Variants in TENM4 observed in about 807,000 individuals in gnomAD.
TENM4 encodes teneurin-4.
In TENM4, 82 loss-of-function variants were observed where a neutral mutation model predicts 243.3. That is an observed-to-expected ratio of 0.34 (90% CI 0.28 to 0.40). TENM4 has a LOEUF of 0.40. Among genes scored for constraint, TENM4 ranks in the 10% least tolerant of loss-of-function variants. The probability of loss-of-function intolerance (pLI) is 1.00; values close to 1 mark genes in which losing one functional copy is unlikely to be tolerated. For missense variants in TENM4, 3,138 were observed against 3,673.3 expected (o/e 0.85, Z 3.77); for synonymous variants, 1,412 against 1,456.3 (o/e 0.97, Z 0.69).
intron 6 of TENM4, among the ~76,000 whole-genome samples, chr11:79,046,007 G>A (rs550762281): frequency 2.1e-4 from 32 of 152,326 alleles, no homozygotes; most frequent in African/African-American, 7.7e-4. Context: ...GGTGTCGAGA[G>A]CATCTGCACT....
At chr11:78,979,070 C>T (rs1226681663) in intron 6 of TENM4, among the ~76,000 whole-genome samples, 1 of 152,058 alleles carries the variant, frequency 6.6e-6, no homozygotes, top group Non-Finnish European at 1.5e-5. Context: ...TTTCTGCAAG[C>T]CAAATTCTCA....
At position 78,676,183 on chromosome 11, in the gene TENM4, C is replaced by G; in HGVS notation, c.5465G>C (p.Gly1822Ala). The change falls in exon 30 of 34, where the codon GGC (glycine) becomes GCC (alanine). Residue 1822 changes from glycine to alanine, a missense_variant. This residue lies in a region of TENM4 where 2,467 missense variants were observed against 3,059.1 expected (regional missense o/e 0.81). Transcript: ENST00000278550. ...CCGGCGCCCAAAGACAGTGACCTGG[C>G]CCCGAGCCTGCTCTTTGCGCTGGCG... ...EWRQRKEQAR[G>A]QVTVFGRRLR... 3.9e-6 allele frequency: 6 copies of G among 1,543,668 alleles called. No individual in the cohort carries two copies. Among genetic ancestry groups the G allele is most frequent in the East Asian group, 2.4e-5 (1 of 41,262 alleles).
At chr11:78,799,963 T>C (rs1417183797) in intron 15 of TENM4, among the ~76,000 whole-genome samples, 2 of 151,688 alleles carry the variant, frequency 1.3e-5, no homozygotes, top group African/African-American at 4.8e-5. Context: ...GGAGAGAGGC[T>C]ATGGGGGTAA....
chr11:79,028,694 G>C (rs1859149317), intron 6 of TENM4, among the ~76,000 whole-genome samples: 1 of 152,200 alleles, frequency 6.6e-6, no homozygotes, highest in Non-Finnish European at 1.5e-5. Flanking sequence ...TGTGGGCTGT[G>C]AACTGCTGGT....
chr11:79,204,899 A>G (rs1407398699), intron 3 of TENM4, among the ~76,000 whole-genome samples: 3 of 152,240 alleles, frequency 2.0e-5, no homozygotes, highest in Non-Finnish European at 4.4e-5. Flanking sequence ...GGTTATACAC[A>G]GTGGTAAGTT....
intron 1 of TENM4, among the ~76,000 whole-genome samples, chr11:79,417,798 T>C (rs1416297767): frequency 1.3e-5 from 2 of 152,186 alleles, no homozygotes; most frequent in African/African-American, 2.4e-5. Flanking sequence ...TATGTGCTTT[T>C]CTGGAACCTC....
intron 19 of TENM4, among the ~76,000 whole-genome samples, chr11:78,740,864 A>T (rs1442941139): frequency 2.0e-5 from 3 of 152,194 alleles, no homozygotes; most frequent in Non-Finnish European, 4.4e-5. Flanking sequence ...GGAAACATTG[A>T]ATCGGCACCA....
At chr11:78,917,815 T>C (rs80152098) in intron 6 of TENM4, among the ~76,000 whole-genome samples, 14 of 152,324 alleles carry the variant, frequency 9.2e-5, no homozygotes, top group Non-Finnish European at 1.9e-4. Context: ...GGCCTGGGTT[T>C]GAATCCTGGC....
intron 6 of TENM4, among the ~76,000 whole-genome samples, chr11:78,923,042 A>C (rs2136392517): frequency 6.6e-6 from 1 of 152,296 alleles, no homozygotes; most frequent in East Asian, 1.9e-4. Context: ...CACAGAGGGC[A>C]CAATGACAAA....
chr11:78,834,995 C>T (rs1246727559), intron 12 of TENM4, among the ~76,000 whole-genome samples: 1 of 152,150 alleles, frequency 6.6e-6, no homozygotes, highest in Non-Finnish European at 1.5e-5. Flanking sequence ...TCCATCCACT[C>T]TTTTTTTCAA....
intron 12 of TENM4, among the ~76,000 whole-genome samples, chr11:78,820,970 A>G (rs1857713252): frequency 1.3e-5 from 2 of 152,208 alleles, no homozygotes; most frequent in South Asian, 4.1e-4. Flanking sequence ...GTCGGTCCCT[A>G]TGGATGTCCC....
intron 6 of TENM4, among the ~76,000 whole-genome samples, chr11:79,062,252 T>C (rs1860111087): frequency 6.6e-6 from 1 of 152,184 alleles, no homozygotes; most frequent in Non-Finnish European, 1.5e-5. Flanking sequence ...TGAACCACCA[T>C]GCCCAGCCAT....
chr11:79,237,541 G>C (rs1172296361), intron 2 of TENM4, among the ~76,000 whole-genome samples: 5 of 152,168 alleles, frequency 3.3e-5, no homozygotes, highest in African/African-American at 1.2e-4. Flanking sequence ...GCTGGGTGTG[G>C]TGGCAGGCAC....
intron 4 of TENM4, among the ~76,000 whole-genome samples, chr11:79,101,503 T>C (rs1861230088): frequency 6.6e-6 from 1 of 152,210 alleles, no homozygotes; most frequent in African/African-American, 2.4e-5. Flanking sequence ...TGGATTGACA[T>C]GGCGGAGAGG....
chr11:78,787,916 C>A (rs1283795846), intron 15 of TENM4, among the ~76,000 whole-genome samples: 1 of 152,172 alleles, frequency 6.6e-6, no homozygotes, highest in African/African-American at 2.4e-5. Flanking sequence ...ATGCTTACTG[C>A]AGGGAGCGGT....
chr11:78,808,527 A>G (rs1158409447), intron 14 of TENM4, among the ~76,000 whole-genome samples: 1 of 152,256 alleles, frequency 6.6e-6, no homozygotes, highest in Non-Finnish European at 1.5e-5. Context: ...TAACTTGCCC[A>G]AGATTACACA....
chr11:78,756,499 A>G (rs1301500592), intron 19 of TENM4: 1 of 365,312 alleles, frequency 2.7e-6, no homozygotes, highest in Admixed American at 4.2e-5. Context: ...AGGATCAGTA[A>G]GAGCTGACTG....
chr11:79,231,966 G>T (rs1240021237), intron 2 of TENM4, among the ~76,000 whole-genome samples: 1 of 152,206 alleles, frequency 6.6e-6, no homozygotes, highest in East Asian at 1.9e-4. Context: ...TTTAATTCCA[G>T]CTACTTGGGA....
chr11:79,382,531 A>C (rs1273947355), intron 1 of TENM4, among the ~76,000 whole-genome samples: 1 of 152,034 alleles, frequency 6.6e-6, no homozygotes, highest in African/African-American at 2.4e-5. Flanking sequence ...AGCCTCAGGA[A>C]CTCTACTGGC....
Sources: gnomAD v4.1 joint callset for allele counts (sites outside exome capture counted in the v4.1 genomes callset) on GRCh38, gnomAD v4.1.1 for gene constraint, gnomAD v4.1.1 regional missense constraint, MANE v1.5 for transcripts, NCBI Gene and HGNC (gene_info 2026-07-23, HGNC 2026-07-21) for gene names.